BATF2: variants seen among roughly 807,000 people sequenced by gnomAD.
The protein encoded by BATF2 is basic leucine zipper ATF-like transcription factor 2, also known as basic leucine zipper transcriptional factor ATF-like 2.
BATF2 carries 4 observed loss-of-function variants against 7.3 expected under a neutral mutation model. The ratio of observed to expected loss-of-function variants is 0.55; its 90% CI spans 0.27 to 1.26. The LOEUF (loss-of-function observed/expected upper bound fraction) is 1.26, where lower values mean the gene tolerates loss of function less well. Among genes scored for constraint, BATF2 ranks in the 50% most tolerant of loss-of-function variants. The probability of loss-of-function intolerance (pLI) is 0.11; values close to 1 mark genes in which losing one functional copy is unlikely to be tolerated. For synonymous variants in BATF2, 152 were observed against 153.9 expected (o/e 0.99, Z 0.09); for missense variants, 295 against 340.5 (o/e 0.87, Z 1.05).
intron 1 of BATF2, 91 bp from the exon 2 acceptor site, chr11:64,994,640 C>T: frequency 1.6e-6 from 2 of 1,281,288 alleles, no homozygotes; most frequent in Non-Finnish European, 1.1e-6. Flanking sequence ...AGTCTTTCCC[C>T]TTGAGTCAAG....
Position 64,988,784 on chromosome 11 carries a change from C to T in BATF2, c.*345G>A. Reference sequence around the variant, plus strand: ...ATTTCAGCCCCTAGGATGCCTGGGCCAGGACAGGAGAAGGAGGAGCAGAGG... The same window carrying T: ...ATTTCAGCCCCTAGGATGCCTGGGCTAGGACAGGAGAAGGAGGAGCAGAGG... On this transcript the variant is annotated 3_prime_UTR_variant, in exon 3 of 3. Transcript: ENST00000301887. 1 of 311,356 alleles carries T rather than the reference C, an allele frequency of 3.2e-6. No homozygotes were observed. Among genetic ancestry groups the T allele is most frequent in the South Asian group, 3.5e-5 (1 of 28,942 alleles). The allele number at this position is 311,356 out of a possible 1,614,324, so 19.3% of individuals were successfully genotyped here.
chr11:64,994,647 C>T, intron 1 of BATF2, 98 bp from the exon 2 acceptor site: 1 of 1,159,722 alleles, frequency 8.6e-7, no homozygotes, highest in Admixed American at 2.1e-5. Flanking sequence ...CCCCTTGAGT[C>T]AAGTTCCCAA....
intron 1 of BATF2, 77 bp from the exon 2 acceptor site, chr11:64,994,626 G>T: frequency 7.2e-7 from 1 of 1,382,184 alleles, no homozygotes. Context: ...CATTTGTAAA[G>T]CCAAGTCTTT....
At chr11:64,996,791 C>T in intron 1 of BATF2, 85 bp downstream of exon 1, 6 of 1,547,864 alleles carry the variant, frequency 3.9e-6, no homozygotes, top group Non-Finnish European at 4.4e-6. Context: ...CTAGGAGCTC[C>T]CGACTGCAGC....
At chr11:64,992,097 C>T (rs1287203000) in intron 2 of BATF2, among the ~76,000 whole-genome samples, 5 of 151,964 alleles carry the variant, frequency 3.3e-5, no homozygotes, top group Non-Finnish European at 7.4e-5. Context: ...AGTGGCACGA[C>T]CTCAGCTCAC....
chr11:64,995,688 C>T (rs1048611886), intron 1 of BATF2, among the ~76,000 whole-genome samples: 10 of 152,184 alleles, frequency 6.6e-5, no homozygotes, highest in African/African-American at 1.2e-4. Context: ...GCCCAGCCCC[C>T]GCCCCCAAGT....
Position 64,996,923 on chromosome 11 carries a change from C to T in BATF2, c.-9G>A, listed in dbSNP as rs370961208. On this transcript the variant is annotated 5_prime_UTR_variant, in exon 1 of 3. Transcript: ENST00000301887. ...CCCCCACAGAGGTGCATGGCTTAGGCGGGGGAGCAGAGTGGTCCCTCAGCA... is the reference window on the plus strand; with the variant it reads ...CCCCCACAGAGGTGCATGGCTTAGGTGGGGGAGCAGAGTGGTCCCTCAGCA... 8 of 1,592,244 alleles carry T rather than the reference C, an allele frequency of 5.0e-6. No homozygotes were observed. The highest frequency in any genetic ancestry group is 4.5e-5 in the South Asian group (4 of 88,676).
chr11:64,990,248 G>A lies in BATF2; in HGVS notation c.142-436C>T, dbSNP rs571944492. The A allele has an allele frequency of 1.5e-4, 224 of 1,531,592 alleles. No homozygotes were observed. In the African/African-American group the frequency reaches 2.3e-3, roughly 16 times the overall value. The allele number at this position is 1,531,592 out of a possible 1,614,324, so 94.9% of individuals were successfully genotyped here. On this transcript the variant is annotated intron_variant, in intron 2 of 2. Coordinates refer to ENST00000301887, the MANE Select transcript of BATF2 (RefSeq NM_138456.4). ...TGTAGTGGCTGCAGCTCAGACCTCCGGTCTCCTCTCTCTCGCCTTCTTTCT... is the reference window on the plus strand; with the variant it reads ...TGTAGTGGCTGCAGCTCAGACCTCCAGTCTCCTCTCTCTCGCCTTCTTTCT...
chr11:64,990,984 G>A (rs1216331629), intron 2 of BATF2, among the ~76,000 whole-genome samples: 2 of 151,532 alleles, frequency 1.3e-5, no homozygotes, highest in African/African-American at 4.9e-5. Flanking sequence ...TAGAGACGGG[G>A]TTTCACCATG....
intron 2 of BATF2, among the ~76,000 whole-genome samples, chr11:64,993,738 C>T (rs897502253): frequency 8.6e-5 from 13 of 152,038 alleles, no homozygotes; most frequent in African/African-American, 2.7e-4. Context: ...CACAAATCAC[C>T]GTGCAGGTCC....
Position 64,989,397 on chromosome 11 carries a change from T to C in BATF2, c.557A>G (p.Gln186Arg), listed in dbSNP as rs753313832. Reference protein sequence around the residue: ...LFASHTGSSLQGSSSKLSALQ... With the variant: ...LFASHTGSSLRGSSSKLSALQ... ...GGCACTGAGCTTAGAGGAAGACCCC[T>C]GCAGGCTGGAACCAGTGTGCGAGGC... The change falls in exon 3 of 3, where the codon CAG becomes CGG. Residue 186 changes from glutamine (Q) to arginine (R), a missense_variant. Physicochemically the swap from Gln to Arg is conservative, Grantham distance 43. Transcript: ENST00000301887. The surrounding 1 kb of genome is among the most constrained non-coding windows in gnomAD (Gnocchi z 4.3). The C allele has an allele frequency of 6.3e-7, 1 of 1,587,280 alleles. No individual in the cohort carries two copies. Among genetic ancestry groups the C allele is most frequent in the Non-Finnish European group, 8.6e-7 (1 of 1,165,954 alleles).
At chr11:64,994,670 TC>T (rs1946098579) in intron 1 of BATF2, 121 bp from the exon 2 acceptor site, 2 of 873,656 alleles carry the variant, frequency 2.3e-6, no homozygotes, top group Admixed American at 2.3e-5. Flanking sequence ...GTCTTTTATC[TC>T]CCAGAAGCTC....
At chr11:64,992,504 A>T (rs963366682) in intron 2 of BATF2, among the ~76,000 whole-genome samples, 1 of 152,098 alleles carries the variant, frequency 6.6e-6, no homozygotes, top group African/African-American at 2.4e-5. Flanking sequence ...GGTAATTTAG[A>T]TTAAATGAGG....
At chr11:64,992,968 G>A (rs1946087782) in intron 2 of BATF2, among the ~76,000 whole-genome samples, 1 of 151,764 alleles carries the variant, frequency 6.6e-6, no homozygotes, top group African/African-American at 2.4e-5. Context: ...AGACAAGCCT[G>A]GGCAACATAG....
intron 1 of BATF2, 78 bp from the exon 2 acceptor site, chr11:64,994,627 C>T (rs1946098461): frequency 5.1e-6 from 7 of 1,359,836 alleles, no homozygotes; most frequent in Non-Finnish European, 7.1e-6. Context: ...ATTTGTAAAG[C>T]CAAGTCTTTC....
chr11:64,994,903 C>T (rs938841633), intron 1 of BATF2, among the ~76,000 whole-genome samples: 1 of 152,068 alleles, frequency 6.6e-6, no homozygotes, highest in African/African-American at 2.4e-5. Context: ...TGGAGTAGTG[C>T]AGCGGCTCTA....
At position 64,988,951 on chromosome 11, in the gene BATF2, T is replaced by G. The variant is rs1946046137; in HGVS notation, c.*178A>C. ...CTGTGAGGTTGAAATAAGATATTGG[T>G]GGTGACAGGGCCTGTCACAGTGGGA... is the stretch of plus-strand genomic sequence containing the variant. On this transcript the variant is annotated 3_prime_UTR_variant, in exon 3 of 3. Transcript: ENST00000301887. 1 of 625,670 alleles carries G rather than the reference T, an allele frequency of 1.6e-6. No individual in the cohort carries two copies. Among genetic ancestry groups the G allele is most frequent in the African/African-American group, 1.8e-5 (1 of 54,100 alleles). The allele number at this position is 625,670 out of a possible 1,614,324, so 38.8% of individuals were successfully genotyped here.
At chr11:64,994,282 A>C (rs1188970171) in intron 2 of BATF2, among the ~76,000 whole-genome samples, 166 bp downstream of exon 2, 1 of 152,204 alleles carries the variant, frequency 6.6e-6, no homozygotes, top group East Asian at 1.9e-4. Flanking sequence ...CAACACCCAG[A>C]ACTTTCCAAA....
chr11:64,990,205 G>C, intron 2 of BATF2: 2 of 1,535,660 alleles, frequency 1.3e-6, no homozygotes, highest in Non-Finnish European at 8.7e-7. Context: ...AATTCCCTGT[G>C]GTAGAATTCC....
Sources: gnomAD v4.1 joint callset for allele counts (sites outside exome capture counted in the v4.1 genomes callset) on GRCh38, gnomAD v4.1.1 for gene constraint, Gnocchi (gnomAD v3.1) non-coding constraint, MANE v1.5 for transcripts, NCBI Gene and HGNC (gene_info 2026-07-23, HGNC 2026-07-21) for gene names.